Variants in PTPN4 observed in about 807,000 individuals in gnomAD.
PTPN4 encodes protein tyrosine phosphatase non-receptor type 4.
PTPN4 carries 49 observed loss-of-function variants against 135.5 expected under a neutral mutation model. That is an observed-to-expected ratio of 0.36 (90% CI 0.29 to 0.46). PTPN4 has a LOEUF of 0.46. PTPN4 is among the 20% of genes least tolerant of loss of function. PTPN4 has a pLI of 1.00. For missense variants in PTPN4, 860 were observed against 1,101.0 expected, an observed-to-expected ratio of 0.78 and a Z score of 3.10; for synonymous variants, 333 against 369.9, an observed-to-expected ratio of 0.90 and a Z score of 1.14.
At chr2:119,910,251 T>A (rs1008608390) in intron 10 of PTPN4, among the ~76,000 whole-genome samples, 4 of 152,162 alleles carry the variant, frequency 2.6e-5, no homozygotes, top group African/African-American at 9.7e-5. Context: ...TGATTTTTTA[T>A]TATACAACTT....
Position 119,881,773 on chromosome 2 carries a change from G to A in PTPN4, c.369-13G>A. On this transcript the variant is annotated splice_polypyrimidine_tract_variant and intron_variant, in intron 5 of 26. Coordinates refer to ENST00000263708, the MANE Select transcript of PTPN4 (RefSeq NM_002830.4). ...CTATTAAATGCTATCCTTTTTGTTT[G>A]TTTGTTTTTAAGGTACCAGTATTTT... 1 of 1,520,684 alleles carries A rather than the reference G, an allele frequency of 6.6e-7. No homozygotes were observed. The highest frequency in any genetic ancestry group is 1.2e-5 in the South Asian group (1 of 82,954). 94.2% of individuals were successfully genotyped at this position (1,520,684 alleles called of 1,614,324 possible). A position where few individuals can be genotyped will look rare whatever the true frequency, so the allele number is the denominator to read the frequency against.
At chr2:119,965,825 T>A (rs1326986760) in intron 25 of PTPN4, among the ~76,000 whole-genome samples, 180 bp downstream of exon 25, 1 of 152,226 alleles carries the variant, frequency 6.6e-6, no homozygotes, top group Non-Finnish European at 1.5e-5. Flanking sequence ...AACTTTATCA[T>A]AAGATATAAA....
At chr2:119,877,191 A>AT (rs60021522) in intron 3 of PTPN4, 132 bp from the exon 4 acceptor site, 223,910 of 847,056 alleles carry the variant, frequency 0.26, 31,982 homozygotes, top group African/African-American at 0.35. Context: ...TAATGCAATG[A>AT]TTTTTTTCCT....
At chr2:119,915,474 A>G in intron 11 of PTPN4, 1 of 279,348 alleles carries the variant, frequency 3.6e-6, no homozygotes, top group East Asian at 6.8e-5. Flanking sequence ...TCTCGAGCTT[A>G]GAAACTGATT....
chr2:119,761,107 A>G (rs942087516), intron 1 of PTPN4, among the ~76,000 whole-genome samples: 3 of 152,244 alleles, frequency 2.0e-5, no homozygotes, highest in Admixed American at 6.5e-5. Flanking sequence ...TGCATCTGCA[A>G]TATGCCAGCT....
intron 1 of PTPN4, among the ~76,000 whole-genome samples, chr2:119,760,733 C>CA (rs1690471906): frequency 1.3e-5 from 1 of 79,908 alleles, no homozygotes; most frequent in Admixed American, 1.7e-4. Context: ...GGTAGAATTC[C>CA]TTTTTTTTTT....
chr2:119,940,654 GTCTT>G (rs1679048096), intron 15 of PTPN4, among the ~76,000 whole-genome samples: 1 of 151,996 alleles, frequency 6.6e-6, no homozygotes, highest in African/African-American at 2.4e-5. Flanking sequence ...TAGAGATGGT[GTCTT>G]GCTATGTTGG....
intron 20 of PTPN4, among the ~76,000 whole-genome samples, chr2:119,956,417 C>T (rs1241087317): frequency 6.6e-6 from 1 of 151,934 alleles, no homozygotes; most frequent in African/African-American, 2.4e-5. Context: ...AAATGACCAT[C>T]ATTAATATTT....
intron 1 of PTPN4, among the ~76,000 whole-genome samples, chr2:119,766,944 C>T (rs940045018): frequency 2.0e-5 from 3 of 152,168 alleles, no homozygotes; most frequent in African/African-American, 7.2e-5. Context: ...TGAGCACTTC[C>T]AGTGAGCCAG....
intron 1 of PTPN4, among the ~76,000 whole-genome samples, chr2:119,796,449 T>TCATA (rs1169716329): frequency 6.6e-6 from 1 of 152,228 alleles, no homozygotes; most frequent in Non-Finnish European, 1.5e-5. Flanking sequence ...ATAAATGGAA[T>TCATA]CATACAGTAT....
intron 10 of PTPN4, among the ~76,000 whole-genome samples, chr2:119,913,067 C>T (rs1678597254): frequency 6.6e-6 from 1 of 151,838 alleles, no homozygotes; most frequent in East Asian, 1.9e-4. Flanking sequence ...TTTTGCTTTC[C>T]CCTTTATTGC....
chr2:119,976,329 A>T (rs574538180), intron 26 of PTPN4, among the ~76,000 whole-genome samples: 1 of 151,622 alleles, frequency 6.6e-6, no homozygotes, highest in African/African-American at 2.4e-5. Context: ...TTATTCTTCC[A>T]TTGCTTTTTT....
At chr2:119,869,588 ACT>A (rs753465992) in intron 3 of PTPN4, among the ~76,000 whole-genome samples, 4 of 151,678 alleles carry the variant, frequency 2.6e-5, no homozygotes, top group Non-Finnish European at 5.9e-5. Context: ...CCATTCCTAA[ACT>A]CTGTCCTCTG....
At chr2:119,866,408 C>A (rs1677836094) in intron 3 of PTPN4, among the ~76,000 whole-genome samples, 1 of 152,022 alleles carries the variant, frequency 6.6e-6, no homozygotes, top group Non-Finnish European at 1.5e-5. Flanking sequence ...TAGCTCCTAA[C>A]CCTGTGGTTT....
chr2:119,930,967 TCA>T (rs1043472495), intron 13 of PTPN4, among the ~76,000 whole-genome samples: 1 of 151,978 alleles, frequency 6.6e-6, no homozygotes, highest in Non-Finnish European at 1.5e-5. Flanking sequence ...AAATCCAAAG[TCA>T]CACAACAAAG....
chr2:119,927,544 T>C (rs922506371), intron 13 of PTPN4, among the ~76,000 whole-genome samples: 54 of 152,252 alleles, frequency 3.5e-4, no homozygotes, highest in African/African-American at 1.3e-3. Context: ...GTAATTGCAG[T>C]AATCCAAGTG....
At chr2:119,973,863 T>C (rs1157190209) in intron 26 of PTPN4, among the ~76,000 whole-genome samples, 1 of 152,064 alleles carries the variant, frequency 6.6e-6, no homozygotes, top group African/African-American at 2.4e-5. Context: ...ATTGTCTTTT[T>C]TTTGTGAAGT....
chr2:119,785,235 A>G lies in PTPN4; in HGVS notation c.-17-24602A>G, dbSNP rs1162171662. On this transcript the variant is annotated intron_variant, in intron 1 of 26. Coordinates refer to ENST00000263708, the MANE Select transcript of PTPN4 (RefSeq NM_002830.4). ...CCCTGTTTGAGAACCACTGCTCTAC[A>G]TTCGTGTTTCTCAAAGATATTGATA... Among the ~76,000 whole-genome samples, 11 of 152,298 alleles carry G rather than the reference A, an allele frequency of 7.2e-5. No individual in the cohort carries two copies. The East Asian group carries it at 2.1e-3, about 29-fold the overall frequency.
At chr2:119,819,669 A>T (rs1342480884) in intron 2 of PTPN4, among the ~76,000 whole-genome samples, 1 of 152,224 alleles carries the variant, frequency 6.6e-6, no homozygotes, top group African/African-American at 2.4e-5. Context: ...ATGCACCTTC[A>T]CACAAGTTGA....
Sources: gnomAD v4.1 joint callset for allele counts (sites outside exome capture counted in the v4.1 genomes callset) on GRCh38, gnomAD v4.1.1 for gene constraint, MANE v1.5 for transcripts, NCBI Gene and HGNC (gene_info 2026-07-23, HGNC 2026-07-21) for gene names.